MYO6: variants seen among roughly 807,000 people sequenced by gnomAD.
MYO6 encodes the protein unconventional myosin-VI.
MYO6 carries 74 observed loss-of-function variants against 178.7 expected under a neutral mutation model. The observed-to-expected ratio is 0.41, with a 90% CI of 0.34 to 0.50. The LOEUF (loss-of-function observed/expected upper bound fraction) is 0.50. Among genes scored for constraint, MYO6 ranks in the 20% least tolerant of loss-of-function variants. The pLI, the probability that MYO6 is intolerant of heterozygous loss-of-function variation, is 0.09. For synonymous variants in MYO6, 477 were observed against 504.6 expected, an observed-to-expected ratio of 0.95 and a Z score of 0.73; for missense variants, 1,330 against 1,547.4, an observed-to-expected ratio of 0.86 and a Z score of 2.36.
intron 30 of MYO6, among the ~76,000 whole-genome samples, chr6:75,904,035 T>G (rs578104146): frequency 2.2e-4 from 34 of 152,362 alleles, no homozygotes; most frequent in African/African-American, 7.2e-4. Context: ...TTCTTTTCTT[T>G]AAGAATGTTG....
In MYO6 at chr6:75,866,509, T is replaced by C. The variant is rs752966219; in HGVS notation, c.1675-17T>C. The C allele has an allele frequency of 1.2e-5, 18 of 1,564,238 alleles. No homozygotes were observed. The South Asian group carries it at 1.9e-4, about 16-fold the overall frequency. Reference sequence around the variant, plus strand: ...ATTTTTGATCATTTAATAACTCATATATGTATTGTTTTTCAGATTCCCAGA... The same window carrying C: ...ATTTTTGATCATTTAATAACTCATACATGTATTGTTTTTCAGATTCCCAGA... On this transcript the variant is annotated splice_polypyrimidine_tract_variant and intron_variant, in intron 16 of 34. Transcript: ENST00000369977.
In MYO6 at chr6:75,787,718, CTCTCTCTCTCTCTATA is replaced by C. The variant is rs1279135757; in HGVS notation, c.-47-29781_-47-29766del. ...TCTCTCTCTCTCTCTCTCTCTCTCT[CTCTCTCTCTCTCTATA>C]TATATATATATATATATATATATAT... On this transcript the variant is annotated intron_variant, in intron 1 of 34. Coordinates refer to ENST00000369977, the MANE Select transcript of MYO6 (RefSeq NM_004999.4). Among the ~76,000 whole-genome samples the C allele has an allele frequency of 5.2e-3, 218 of 41,778 alleles. 1 individual carries two copies. The highest frequency in any genetic ancestry group is 0.011 in the East Asian group (12 of 1,068). 27.4% of individuals were successfully genotyped at this position (41,778 alleles called of 152,430 possible). A position where few individuals can be genotyped will look rare whatever the true frequency, so the allele number is the denominator to read the frequency against.
At position 75,907,779 on chromosome 6, in the gene MYO6, G is replaced by C. The variant is rs1780443526; in HGVS notation, c.3280+71G>C. On this transcript the variant is annotated intron_variant, in intron 31 of 34. Coordinates refer to ENST00000369977, the MANE Select transcript of MYO6 (RefSeq NM_004999.4). ...AGGTGATAAATACCTAGATTAGGGT[G>C]AGGTGTGTGTGTGTATGTGTGTGTG... 5 of 1,105,288 alleles carry C rather than the reference G, an allele frequency of 4.5e-6. No individual in the cohort carries two copies. In the Middle Eastern group the frequency reaches 8.2e-4, roughly 182 times the overall value. 68.5% of individuals were successfully genotyped at this position (1,105,288 alleles called of 1,614,324 possible).
At chr6:75,892,147 G>T (rs1778951135) in intron 27 of MYO6, among the ~76,000 whole-genome samples, 1 of 152,128 alleles carries the variant, frequency 6.6e-6, no homozygotes, top group Admixed American at 6.6e-5. Context: ...TTGAATTTCT[G>T]TTTGTCATGG....
chr6:75,859,667 CTTTT>C (rs34957875), intron 14 of MYO6, among the ~76,000 whole-genome samples: 2 of 118,290 alleles, frequency 1.7e-5, no homozygotes, highest in Non-Finnish European at 1.7e-5. Context: ...ATCTCCCACT[CTTTT>C]TTTTTTTTTT....
intron 2 of MYO6, among the ~76,000 whole-genome samples, chr6:75,821,624 T>TACACACACAC (rs3839376): frequency 3.3e-5 from 5 of 151,008 alleles, no homozygotes; most frequent in South Asian, 2.1e-4. Context: ...GTTGTAGCTT[T>TACACACACAC]ACACACACAC....
In MYO6 at chr6:75,804,164, T is replaced by G. The variant is rs545506786; in HGVS notation, c.-47-13337T>G. Among the ~76,000 whole-genome samples the G allele has an allele frequency of 3.0e-4, 45 of 152,326 alleles. No individual in the cohort carries two copies. The South Asian group carries it at 9.3e-3, about 32-fold the overall frequency. Reference sequence around the variant, plus strand: ...CTGCCTTGGGCCTTTTCAAGGTAATTTACTGACTAAAGGGAACCCTGCTGA... The same window carrying G: ...CTGCCTTGGGCCTTTTCAAGGTAATGTACTGACTAAAGGGAACCCTGCTGA... On this transcript the variant is annotated intron_variant, in intron 1 of 34. Coordinates refer to ENST00000369977, the MANE Select transcript of MYO6 (RefSeq NM_004999.4).
intron 16 of MYO6, chr6:75,865,422 G>T (rs2149307157): frequency 7.4e-6 from 1 of 135,930 alleles, no homozygotes; most frequent in South Asian, 2.4e-4. Flanking sequence ...GGAGTGCAGT[G>T]GTTCTTTCTT....
intron 17 of MYO6, 54 bp downstream of exon 17, chr6:75,866,675 C>T (rs1776730867): frequency 2.9e-6 from 4 of 1,393,302 alleles, no homozygotes; most frequent in Non-Finnish European, 4.1e-6. Context: ...CTGCACTGTA[C>T]AGTATGATAG....
In MYO6 at chr6:75,879,857, C is replaced by T; in HGVS notation, c.2115C>T (p.Tyr705=). 1.2e-6 allele frequency: 2 copies of T among 1,614,010 alleles called. No homozygotes were observed. The highest frequency in any genetic ancestry group is 1.3e-5 in the African/African-American group (1 of 74,990). The change falls in exon 21 of 35, where the codon TAC becomes TAT. Residue 705 remains tyrosine (Y), a synonymous_variant. Transcript: ENST00000369977. ...VSVLDLMQGG[Y]PSRASFHELY... ...TTTTGGACTTGATGCAGGGTGGTTA[C>T]CCATCACGAGCTTCATTTCATGAAC...
intron 32 of MYO6, 38 bp from the exon 33 acceptor site, chr6:75,911,634 T>C: frequency 6.3e-7 from 1 of 1,587,924 alleles, no homozygotes; most frequent in Non-Finnish European, 8.6e-7. Flanking sequence ...AGTTTTGGCA[T>C]TTTTATCTTT....
chr6:75,815,333 G>T (rs1771111710), intron 1 of MYO6, among the ~76,000 whole-genome samples: 1 of 152,202 alleles, frequency 6.6e-6, no homozygotes, highest in South Asian at 2.1e-4. Flanking sequence ...GAGCAAGCTG[G>T]AGTGGTAGAC....
intron 3 of MYO6, among the ~76,000 whole-genome samples, chr6:75,828,053 A>C (rs1392820246): frequency 2.0e-5 from 3 of 152,110 alleles, no homozygotes; most frequent in African/African-American, 7.2e-5. Context: ...GTTAAGACAT[A>C]CATAATTTCT....
chr6:75,789,273 T>G (rs956917070), intron 1 of MYO6, among the ~76,000 whole-genome samples: 3 of 152,230 alleles, frequency 2.0e-5, no homozygotes, highest in African/African-American at 7.2e-5. Flanking sequence ...TAATGACACA[T>G]CATCAAATGC....
intron 19 of MYO6, 48 bp downstream of exon 19, chr6:75,870,733 T>G: frequency 6.9e-7 from 1 of 1,458,940 alleles, no homozygotes; most frequent in Non-Finnish European, 9.6e-7. Flanking sequence ...CATCTAAAAC[T>G]ATTATTAGTA....
chr6:75,857,283 A>G (rs1249304495), intron 13 of MYO6, 29 bp downstream of exon 13: 2 of 1,598,790 alleles, frequency 1.3e-6, no homozygotes, highest in South Asian at 2.2e-5. Context: ...GTGAGTATAT[A>G]TTTGTTTCAT....
At chr6:75,810,213 G>C (rs1770558580) in intron 1 of MYO6, among the ~76,000 whole-genome samples, 1 of 152,074 alleles carries the variant, frequency 6.6e-6, no homozygotes, top group African/African-American at 2.4e-5. Flanking sequence ...GTCAGACTTA[G>C]GTAATCTCGC....
rs1254569854 is a variant in MYO6 at position 75,828,606 on chromosome 6, G to A, written c.254G>A (p.Arg85Lys). 5 of 1,559,516 alleles carry A rather than the reference G, an allele frequency of 3.2e-6. No individual in the cohort carries two copies. The East Asian group carries it at 9.0e-5, about 28-fold the overall frequency. Residue 85 changes from arginine to lysine, a missense_variant, in exon 4 of 35, where the codon AGA becomes AAA. By Grantham distance (26) the Arg-to-Lys change is conservative. Transcript: ENST00000369977. The stretch of plus-strand genomic sequence containing the variant: ...ATCAAAGTTCGATATAGTAAAGACA[G>A]AATTTATGTAAGTATTTTACCTGTA... ...HNIKVRYSKD[R>K]IYTYVANILI...
intron 30 of MYO6, among the ~76,000 whole-genome samples, chr6:75,899,789 G>C (rs1177006984): frequency 6.7e-6 from 1 of 150,246 alleles, no homozygotes; most frequent in Non-Finnish European, 1.5e-5. Context: ...CAATGTGCAG[G>C]TTAGTTACAT....
Sources: gnomAD v4.1 joint callset for allele counts (sites outside exome capture counted in the v4.1 genomes callset) on GRCh38, gnomAD v4.1.1 for gene constraint, MANE v1.5 for transcripts, NCBI Gene and HGNC (gene_info 2026-07-23, HGNC 2026-07-21) for gene names.